SLC23A2: variants seen among roughly 807,000 people sequenced by gnomAD.
SLC23A2 encodes Na(+)/L-ascorbic acid transporter 2.
SLC23A2 carries 36 observed loss-of-function variants against 73.3 expected under a neutral mutation model. The ratio of observed to expected loss-of-function variants is 0.49; its 90% CI spans 0.38 to 0.65. SLC23A2 has a LOEUF of 0.65. Ranked by LOEUF, SLC23A2 falls within the 30% of genes least tolerant of loss-of-function variation. The pLI is 0.00. For missense variants in SLC23A2, 507 were observed against 841.6 expected, an observed-to-expected ratio of 0.60 and a Z score of 4.92; for synonymous variants, 343 against 327.3, an observed-to-expected ratio of 1.05 and a Z score of -0.52.
At chr20:4,966,837 C>CACACACACAT (rs1555806657) in intron 2 of SLC23A2, among the ~76,000 whole-genome samples, 34 of 147,176 alleles carry the variant, frequency 2.3e-4, no homozygotes, top group Middle Eastern at 3.5e-3. Context: ...CACACACACA[C>CACACACACAT]ACACACACAC....
intron 1 of SLC23A2, among the ~76,000 whole-genome samples, chr20:5,006,948 C>CAT (rs2088198037): frequency 1.4e-5 from 2 of 148,016 alleles, no homozygotes; most frequent in Non-Finnish European, 1.5e-5. Context: ...CCTGAAATGA[C>CAT]GTGTGTGTGT....
intron 1 of SLC23A2, among the ~76,000 whole-genome samples, chr20:5,006,583 T>TTTA (rs1568666829): frequency 8.0e-6 from 1 of 124,298 alleles, no homozygotes; most frequent in Non-Finnish European, 1.7e-5. Context: ...TTATTTATTT[T>TTTA]GAGACGGAGT....
chr20:4,870,745 G>C (rs1033896294), intron 11 of SLC23A2, among the ~76,000 whole-genome samples: 5 of 152,108 alleles, frequency 3.3e-5, no homozygotes, highest in African/African-American at 9.7e-5. Flanking sequence ...TACAGAGCAG[G>C]GTACAAAGCA....
At chr20:4,995,879 C>T (rs1164909122) in intron 1 of SLC23A2, among the ~76,000 whole-genome samples, 3 of 152,296 alleles carry the variant, frequency 2.0e-5, no homozygotes, top group African/African-American at 7.2e-5. Context: ...GCAGAGCTCC[C>T]TGGCACTCAA....
intron 3 of SLC23A2, among the ~76,000 whole-genome samples, chr20:4,922,959 G>A (rs1932545992): frequency 6.6e-6 from 1 of 152,030 alleles, no homozygotes; most frequent in South Asian, 2.1e-4. Flanking sequence ...GTAACAAATT[G>A]TGTGTCTCCC....
intron 1 of SLC23A2, among the ~76,000 whole-genome samples, chr20:4,994,934 CAA>C (rs59303726): frequency 1.4e-5 from 2 of 138,176 alleles, no homozygotes. Context: ...AACTCTGTCT[CAA>C]AAAAAAAAAG....
At chr20:4,871,528 T>G (rs763871018) in intron 11 of SLC23A2, among the ~76,000 whole-genome samples, 1 of 152,102 alleles carries the variant, frequency 6.6e-6, no homozygotes, top group African/African-American at 2.4e-5. Context: ...CTAGAGGGGT[T>G]TGGCCTGTGT....
At chr20:4,955,388 CA>C (rs2087269929) in intron 2 of SLC23A2, among the ~76,000 whole-genome samples, 1 of 143,620 alleles carries the variant, frequency 7.0e-6, no homozygotes. Flanking sequence ...CACACACACA[CA>C]CACACACACC....
At chr20:4,896,772 C>A (rs574135519) in intron 6 of SLC23A2, among the ~76,000 whole-genome samples, 1 of 152,212 alleles carries the variant, frequency 6.6e-6, no homozygotes, top group Non-Finnish European at 1.5e-5. Context: ...AACCAAGTAA[C>A]GTCCTTCAAG....
At chr20:4,985,612 T>A (rs1034694936) in intron 1 of SLC23A2, among the ~76,000 whole-genome samples, 7 of 152,132 alleles carry the variant, frequency 4.6e-5, no homozygotes, top group African/African-American at 1.7e-4. Context: ...CATGCCCAGC[T>A]AATTTTTGTA....
intron 16 of SLC23A2, among the ~76,000 whole-genome samples, chr20:4,858,058 T>C (rs1028715070): frequency 2.6e-5 from 4 of 152,212 alleles, no homozygotes; most frequent in African/African-American, 9.7e-5. Context: ...GGGCTGAATC[T>C]TTATTGTATC....
chr20:4,875,399 T>C (rs1055922387), intron 9 of SLC23A2, among the ~76,000 whole-genome samples: 2 of 152,210 alleles, frequency 1.3e-5, no homozygotes, highest in African/African-American at 4.8e-5. Context: ...GCTTCTAAGA[T>C]GGTCTCCTTT....
chr20:4,898,258 C>T (rs891049095), intron 6 of SLC23A2, among the ~76,000 whole-genome samples: 11 of 152,214 alleles, frequency 7.2e-5, no homozygotes, highest in Non-Finnish European at 1.3e-4. Flanking sequence ...TCAGAGCTTG[C>T]CAGCCCCAAA....
chr20:5,008,865 C>T (rs1208425184), intron 1 of SLC23A2, among the ~76,000 whole-genome samples: 1 of 152,156 alleles, frequency 6.6e-6, no homozygotes, highest in South Asian at 2.1e-4. Flanking sequence ...CCACGCTCGG[C>T]CCTACCACCC....
intron 1 of SLC23A2, among the ~76,000 whole-genome samples, chr20:4,984,087 A>G (rs1382622569): frequency 6.6e-6 from 1 of 152,204 alleles, no homozygotes; most frequent in Non-Finnish European, 1.5e-5. Context: ...ACTCAACAAT[A>G]TAAAGACAAG....
chr20:4,923,676 CT>C (rs1251285084), intron 3 of SLC23A2, among the ~76,000 whole-genome samples: 1 of 152,166 alleles, frequency 6.6e-6, no homozygotes, highest in Non-Finnish European at 1.5e-5. Context: ...CCAACTGAGA[CT>C]TTTCGTTTTA....
Position 4,854,196 on chromosome 20 carries a change from GC to G in SLC23A2, c.*2775del, listed in dbSNP as rs1369099510. On this transcript the variant is annotated 3_prime_UTR_variant, in exon 17 of 17. Coordinates refer to ENST00000338244, the MANE Select transcript of SLC23A2 (RefSeq NM_005116.6). ...ACAAAGTACGGGGTGGTGGTTCAAA[GC>G]CCCAGCAACGCAGGCCAATGATGTG... 2 of 152,220 alleles carry G rather than the reference GC, an allele frequency of 1.3e-5. No homozygotes were observed. The highest frequency in any genetic ancestry group is 4.8e-5 in the African/African-American group (2 of 41,436). The allele number at this position is 152,220 out of a possible 1,614,324, so 9.4% of individuals were successfully genotyped here. A position where few individuals can be genotyped will look rare whatever the true frequency, so the allele number is the denominator to read the frequency against.
chr20:4,995,953 G>C (rs965046098), intron 1 of SLC23A2, among the ~76,000 whole-genome samples: 1 of 152,180 alleles, frequency 6.6e-6, no homozygotes, highest in Non-Finnish European at 1.5e-5. Flanking sequence ...AGTTTCAGAT[G>C]AGAGCTGGGA....
chr20:4,977,041 G>T (rs978635767), intron 1 of SLC23A2, among the ~76,000 whole-genome samples: 2 of 152,094 alleles, frequency 1.3e-5, no homozygotes, highest in Admixed American at 6.6e-5. Flanking sequence ...TTAGATGAAT[G>T]TAATTGTACA....
Sources: allele counts gnomAD v4.1 joint callset (sites outside exome capture counted in the v4.1 genomes callset), GRCh38; gene constraint gnomAD v4.1.1; transcripts MANE v1.5; gene names NCBI Gene and HGNC (gene_info 2026-07-23, HGNC 2026-07-21).